The following FRAS1 variants were observed in gnomAD, a reference collection of about 807,000 sequenced individuals.
The protein encoded by FRAS1 is Fraser extracellular matrix complex subunit 1.
Under a neutral mutation model 435.2 loss-of-function variants are expected in FRAS1, and 290 were observed. The observed-to-expected ratio is 0.67, with a 90% CI of 0.61 to 0.73. The LOEUF (loss-of-function observed/expected upper bound fraction) is 0.73, where lower values mean the gene tolerates loss of function less well. Among genes scored for constraint, FRAS1 ranks in the 30% least tolerant of loss-of-function variants. The pLI, the probability that FRAS1 is intolerant of heterozygous loss-of-function variation, is 0.00. For missense variants in FRAS1, 4,860 were observed against 5,001.5 expected (o/e 0.97, Z 0.85); for synonymous variants, 1,800 against 1,851.0 (o/e 0.97, Z 0.71).
chr4:78,327,849 G>T (rs184857566), intron 18 of FRAS1, among the ~76,000 whole-genome samples: 1 of 152,086 alleles, frequency 6.6e-6, no homozygotes. Flanking sequence ...TCCAAAACCA[G>T]CACGGAATTG....
intron 23 of FRAS1, among the ~76,000 whole-genome samples, chr4:78,370,516 A>G (rs1731461678): frequency 6.6e-6 from 1 of 152,188 alleles, no homozygotes; most frequent in Admixed American, 6.5e-5. Context: ...TGGATGGAAC[A>G]GGATCTCTTC....
intron 2 of FRAS1, among the ~76,000 whole-genome samples, chr4:78,198,491 C>T (rs1308828955): frequency 2.6e-5 from 4 of 152,020 alleles, no homozygotes; most frequent in Admixed American, 1.3e-4. Context: ...GGAACCTAAA[C>T]GAAAAGAAAA....
At chr4:78,122,368 G>A (rs954058400) in intron 2 of FRAS1, among the ~76,000 whole-genome samples, 6 of 152,170 alleles carry the variant, frequency 3.9e-5, no homozygotes, top group East Asian at 3.9e-4. Flanking sequence ...TCTCAATCTA[G>A]TCTATCACTG....
chr4:78,189,222 A>C (rs1312714100), intron 2 of FRAS1, among the ~76,000 whole-genome samples: 1 of 152,234 alleles, frequency 6.6e-6, no homozygotes, highest in Non-Finnish European at 1.5e-5. Context: ...ATTGTGGATA[A>C]TATTTTCATT....
chr4:78,245,795 C>G (rs1001275552), intron 4 of FRAS1, among the ~76,000 whole-genome samples: 5 of 152,114 alleles, frequency 3.3e-5, no homozygotes, highest in Non-Finnish European at 7.4e-5. Flanking sequence ...ATTCAGGGCT[C>G]TTTTTACTAT....
chr4:78,468,848 G>A (rs1719617962), intron 50 of FRAS1, among the ~76,000 whole-genome samples: 1 of 152,188 alleles, frequency 6.6e-6, no homozygotes, highest in Non-Finnish European at 1.5e-5. Context: ...TATAACAAAA[G>A]GATCCACTTC....
At chr4:78,132,625 C>T (rs994318461) in intron 2 of FRAS1, among the ~76,000 whole-genome samples, 2 of 152,092 alleles carry the variant, frequency 1.3e-5, no homozygotes, top group Admixed American at 1.3e-4. Context: ...GTTCAGGAGA[C>T]AGGAGGGGAT....
chr4:78,448,477 A>T (rs544037973), intron 44 of FRAS1, among the ~76,000 whole-genome samples, 161 bp downstream of exon 44: 1 of 152,286 alleles, frequency 6.6e-6, no homozygotes, highest in Non-Finnish European at 1.5e-5. Context: ...TGTTTTTGGG[A>T]TACTAAGAAT....
intron 71 of FRAS1, among the ~76,000 whole-genome samples, chr4:78,535,192 C>T (rs1203370725): frequency 1.3e-5 from 2 of 152,202 alleles, no homozygotes; most frequent in African/African-American, 2.4e-5. Context: ...CTGTCCCTGG[C>T]CTCCATCCTC....
rs149760249 is a variant in FRAS1, at chr4:78,407,480, C to G, written c.4130-183C>G. ...AGCAGAAAGCCTGAGAATTTTGTTT[C>G]TAAAGGTGGATTCAATACTGTCCAT... On this transcript the variant is annotated intron_variant, in intron 30 of 73. Coordinates refer to ENST00000512123, the MANE Select transcript of FRAS1 (RefSeq NM_025074.7). Among the ~76,000 whole-genome samples the G allele has an allele frequency of 2.6e-3, 392 of 152,196 alleles. 4 individuals are homozygous for G. The highest frequency in any genetic ancestry group is 0.02 in the Middle Eastern group (6 of 294).
chr4:78,212,927 A>G (rs566642506), intron 2 of FRAS1, among the ~76,000 whole-genome samples: 1 of 152,364 alleles, frequency 6.6e-6, no homozygotes, highest in Admixed American at 6.5e-5. Context: ...CAGTCACAAC[A>G]GAGGCTTCAG....
rs369973948 is a variant in FRAS1, at chr4:78,286,477, G to A, written c.1472G>A (p.Arg491Gln). ...TCCTGCCAGCCTCCCCTGCTGATGC[G>A]GCACGGGCAGTGTGTGCCTACCTGT... The part of the protein sequence containing the change: ...CSSCQPPLLM[R>Q]HGQCVPTCGD... Residue 491 changes from arginine to glutamine, a missense_variant, in exon 14 of 74, where the codon CGG (arginine) becomes CAG (glutamine). Arg to Gln is a conservative substitution (Grantham distance 43). Coordinates refer to ENST00000512123, the MANE Select transcript of FRAS1 (RefSeq NM_025074.7). 1.2e-5 allele frequency: 19 copies of A among 1,613,500 alleles called. No individual in the cohort carries two copies. Among genetic ancestry groups the A allele is most frequent in the South Asian group, 4.4e-5 (4 of 91,068 alleles).
In FRAS1 at chr4:78,158,293, A is replaced by T. The variant is rs184920786; in HGVS notation, c.109-79217A>T. Among the ~76,000 whole-genome samples the T allele has an allele frequency of 3.1e-3, 471 of 152,190 alleles. 5 individuals carry two copies. Among genetic ancestry groups the T allele is most frequent in the African/African-American group, 0.011 (455 of 41,522 alleles). On this transcript the variant is annotated intron_variant, in intron 2 of 73. Coordinates refer to ENST00000512123, the MANE Select transcript of FRAS1 (RefSeq NM_025074.7). ...CAGTATGGCCATTTTAATGATTTTG[A>T]TTCTTCTAATCCATGAGTATAAAAT...
At chr4:78,217,062 A>G (rs1250437388) in intron 2 of FRAS1, among the ~76,000 whole-genome samples, 6 of 148,722 alleles carry the variant, frequency 4.0e-5, no homozygotes, top group African/African-American at 1.2e-4. Flanking sequence ...AACAGAACCA[A>G]TAAAAGATAG....
chr4:78,186,638 G>A (rs764484407), intron 2 of FRAS1, among the ~76,000 whole-genome samples: 6 of 152,108 alleles, frequency 3.9e-5, no homozygotes, highest in Non-Finnish European at 8.8e-5. Flanking sequence ...ACAAATCACT[G>A]TACAAACGGT....
At chr4:78,449,382 T>C (rs1031485199) in intron 44 of FRAS1, among the ~76,000 whole-genome samples, 1 of 152,300 alleles carries the variant, frequency 6.6e-6, no homozygotes, top group Non-Finnish European at 1.5e-5. Context: ...TCCCTCAAGG[T>C]TGCTCTCTGA....
chr4:78,120,180 G>T (rs1718929131), intron 2 of FRAS1, among the ~76,000 whole-genome samples: 1 of 152,304 alleles, frequency 6.6e-6, no homozygotes, highest in Admixed American at 6.5e-5. Context: ...ACCAACATAT[G>T]TGCCAAGTAT....
chr4:78,518,174 T>A (rs1196311300), intron 66 of FRAS1, among the ~76,000 whole-genome samples: 1 of 151,874 alleles, frequency 6.6e-6, no homozygotes, highest in African/African-American at 2.4e-5. Context: ...CAAAATGGAA[T>A]TTTTCAATGA....
At chr4:78,345,273 A>C (rs2110276893) in intron 20 of FRAS1, among the ~76,000 whole-genome samples, 1 of 152,300 alleles carries the variant, frequency 6.6e-6, no homozygotes, top group Middle Eastern at 3.4e-3. Flanking sequence ...AGAATTGGAA[A>C]TGCTGGTAAT....
Sources: gnomAD v4.1 joint callset for allele counts (sites outside exome capture counted in the v4.1 genomes callset) on GRCh38, gnomAD v4.1.1 for gene constraint, MANE v1.5 for transcripts, NCBI Gene and HGNC (gene_info 2026-07-23, HGNC 2026-07-21) for gene names.